SLX4IP: variants seen among roughly 807,000 people sequenced by gnomAD.
SLX4IP encodes SLX4 interacting protein.
Under a neutral mutation model 32.9 loss-of-function variants are expected in SLX4IP, and 34 were observed. The ratio of observed to expected loss-of-function variants is 1.03; its 90% confidence interval spans 0.79 to 1.38. The LOEUF is 1.38. Ranked by LOEUF, SLX4IP falls within the 40% of genes most tolerant of loss-of-function variation. SLX4IP has a pLI of 0.00. For synonymous variants in SLX4IP, 172 were observed against 171.7 expected (o/e 1.00, Z -0.01); for missense variants, 444 against 479.0 (o/e 0.93, Z 0.68).
chr20:10,529,462 G>C (rs978288571), intron 2 of SLX4IP, among the ~76,000 whole-genome samples: 5 of 151,718 alleles, frequency 3.3e-5, no homozygotes, highest in African/African-American at 1.2e-4. Flanking sequence ...ATGGTGGCAG[G>C]TGCCTGTAAT....
intron 2 of SLX4IP, among the ~76,000 whole-genome samples, chr20:10,531,586 A>C (rs575804185): frequency 1.9e-4 from 29 of 152,364 alleles, no homozygotes; most frequent in African/African-American, 6.7e-4. Context: ...CCTTGGTCTC[A>C]TGGAGATGGC....
rs900638714 is a variant in SLX4IP at position 10,627,984 on chromosome 20, T to C, written c.*4605T>C. The stretch of plus-strand genomic sequence containing the variant: ...TGCCTAGGGGATGAAACCTATGTAA[T>C]AGAAATGTACTGTTTTATGAATAAG... On this transcript the variant is annotated 3_prime_UTR_variant, in exon 8 of 8. Transcript: ENST00000334534. The C allele has an allele frequency of 6.6e-6, 1 of 152,228 alleles. No individual in the cohort carries two copies. The highest frequency in any genetic ancestry group is 2.4e-5 in the African/African-American group (1 of 41,458). The allele number at this position is 152,228 out of a possible 1,614,324, so 9.4% of individuals were successfully genotyped here.
chr20:10,541,608 G>A (rs989661121), intron 2 of SLX4IP, among the ~76,000 whole-genome samples: 1 of 152,150 alleles, frequency 6.6e-6, no homozygotes, highest in Non-Finnish European at 1.5e-5. Context: ...TGAGGCTAAG[G>A]TATTAGACAT....
At chr20:10,475,769 C>T (rs925214992) in intron 2 of SLX4IP, among the ~76,000 whole-genome samples, 1 of 152,196 alleles carries the variant, frequency 6.6e-6, no homozygotes, top group Non-Finnish European at 1.5e-5. Flanking sequence ...GATTGTGGCA[C>T]GGGGCAGTGT....
intron 2 of SLX4IP, among the ~76,000 whole-genome samples, chr20:10,480,298 G>GC (rs1372418826): frequency 6.6e-6 from 1 of 152,066 alleles, no homozygotes; most frequent in Non-Finnish European, 1.5e-5. Flanking sequence ...GGGGATTGGG[G>GC]CCGAGATGGG....
chr20:10,583,733 A>G (rs182875634), intron 4 of SLX4IP, among the ~76,000 whole-genome samples: 4 of 152,272 alleles, frequency 2.6e-5, no homozygotes, highest in African/African-American at 7.2e-5. Flanking sequence ...CACGCTAACA[A>G]TGTATATACA....
rs998157938 is a variant in SLX4IP at position 10,599,772 on chromosome 20, C to T, written c.316+1020C>T. 2.6e-5 allele frequency among the ~76,000 whole-genome samples: 4 copies of T among 152,298 alleles called. No individual in the cohort carries two copies. In the East Asian group the frequency reaches 7.7e-4, roughly 29 times the overall value. On this transcript the variant is annotated intron_variant, in intron 5 of 7. Transcript: ENST00000334534. The stretch of plus-strand genomic sequence containing the variant: ...GTAAAATAAGTCAGCTAACCTTGCA[C>T]TTGTGCCCTTTATGGTAAGGACTAT...
intron 2 of SLX4IP, among the ~76,000 whole-genome samples, chr20:10,536,433 A>G (rs966520399): frequency 6.6e-6 from 1 of 152,150 alleles, no homozygotes; most frequent in African/African-American, 2.4e-5. Flanking sequence ...TGTATCATCA[A>G]TTAGAAATAT....
chr20:10,569,967 G>T (rs1601014804), intron 4 of SLX4IP, among the ~76,000 whole-genome samples: 1 of 152,166 alleles, frequency 6.6e-6, no homozygotes, highest in African/African-American at 2.4e-5. Flanking sequence ...ATATGAATTT[G>T]CAGGGAGAGG....
At chr20:10,544,606 C>G (rs1234342699) in intron 2 of SLX4IP, among the ~76,000 whole-genome samples, 1 of 152,106 alleles carries the variant, frequency 6.6e-6, no homozygotes, top group Non-Finnish European at 1.5e-5. Context: ...AGGCTAGACT[C>G]GAACTCCTGG....
intron 2 of SLX4IP, among the ~76,000 whole-genome samples, chr20:10,514,573 CTG>C (rs2065834799): frequency 6.6e-6 from 1 of 152,188 alleles, no homozygotes. Flanking sequence ...TATTTAATAA[CTG>C]TACTAATAAT....
intron 2 of SLX4IP, among the ~76,000 whole-genome samples, chr20:10,526,022 C>G (rs577952432): frequency 9.2e-5 from 14 of 152,180 alleles, no homozygotes; most frequent in Non-Finnish European, 1.9e-4. Context: ...GGAGTCCTCT[C>G]CCTGCTCATC....
chr20:10,554,050 A>G (rs987845811), intron 2 of SLX4IP, among the ~76,000 whole-genome samples: 1 of 152,264 alleles, frequency 6.6e-6, no homozygotes. Context: ...CAGTGTATAC[A>G]TAACATACCC....
At chr20:10,518,438 T>TA (rs2065870652) in intron 2 of SLX4IP, among the ~76,000 whole-genome samples, 1 of 67,730 alleles carries the variant, frequency 1.5e-5, no homozygotes, top group Non-Finnish European at 3.3e-5. Context: ...CCTCCCTCCT[T>TA]CTTCCTTCCT....
chr20:10,577,653 C>A (rs891172308), intron 4 of SLX4IP, among the ~76,000 whole-genome samples: 1 of 152,206 alleles, frequency 6.6e-6, no homozygotes, highest in Non-Finnish European at 1.5e-5. Context: ...CCCAGGAATT[C>A]GAGGCTGCCG....
intron 2 of SLX4IP, among the ~76,000 whole-genome samples, chr20:10,489,523 A>G (rs1695692773): frequency 6.6e-6 from 1 of 152,202 alleles, no homozygotes; most frequent in African/African-American, 2.4e-5. Flanking sequence ...AAATCTTTAA[A>G]ACAAGATGTA....
At chr20:10,622,320 GAA>G (rs33940544) in intron 7 of SLX4IP, among the ~76,000 whole-genome samples, 6 of 151,072 alleles carry the variant, frequency 4.0e-5, no homozygotes, top group Non-Finnish European at 7.4e-5. Flanking sequence ...TCTACTCCTG[GAA>G]AAAAAAAATC....
intron 2 of SLX4IP, among the ~76,000 whole-genome samples, chr20:10,479,261 T>C (rs2065500515): frequency 6.6e-6 from 1 of 152,210 alleles, no homozygotes; most frequent in African/African-American, 2.4e-5. Context: ...TCTAGGGTCT[T>C]AGTATACTTC....
chr20:10,560,395 T>C (rs574701943), intron 3 of SLX4IP, among the ~76,000 whole-genome samples: 1 of 152,210 alleles, frequency 6.6e-6, no homozygotes, highest in Non-Finnish European at 1.5e-5. Context: ...ACTTATTACC[T>C]CCTTGCCCTG....
Sources: gnomAD v4.1 joint callset for allele counts (sites outside exome capture counted in the v4.1 genomes callset) on GRCh38, gnomAD v4.1.1 for gene constraint, MANE v1.5 for transcripts, NCBI Gene and HGNC (gene_info 2026-07-23, HGNC 2026-07-21) for gene names.